Variants in GIT2 observed in about 807,000 individuals in gnomAD.
GIT2 encodes ARF GTPase-activating protein GIT2.
GIT2 carries 32 observed loss-of-function variants against 100.3 expected under a neutral mutation model. The observed-to-expected ratio is 0.32, with a 90% CI of 0.24 to 0.43. The LOEUF is 0.43. GIT2 is among the 20% of genes least tolerant of loss of function. The probability of loss-of-function intolerance (pLI) is 1.00; values close to 1 mark genes in which losing one functional copy is unlikely to be tolerated. For synonymous variants in GIT2, 353 were observed against 364.1 expected (o/e 0.97, Z 0.35); for missense variants, 737 against 975.1 (o/e 0.76, Z 3.25).
intron 7 of GIT2, 44 bp downstream of exon 7, chr12:109,980,908 C>G (rs1325584834): frequency 8.2e-7 from 1 of 1,225,084 alleles, no homozygotes. Context: ...TTTCTAGAAC[C>G]TTCCCAACTG....
At chr12:109,985,307 A>T (rs960382018) in intron 4 of GIT2, among the ~76,000 whole-genome samples, 9 of 152,200 alleles carry the variant, frequency 5.9e-5, no homozygotes, top group African/African-American at 1.2e-4. Context: ...AAAAAACAAA[A>T]AACCCAACAC....
rs1189344671 is a variant in GIT2 at position 109,933,174 on chromosome 12, A to G, written c.2084T>C (p.Met695Thr). 4 of 1,559,274 alleles carry G rather than the reference A, an allele frequency of 2.6e-6. No homozygotes were observed. Among genetic ancestry groups the G allele is most frequent in the Admixed American group, 3.9e-5 (2 of 51,702 alleles). ...CAGTAAACGAAGGGAAGTCCTCACCATATCAGACTTGGGTTTCTAAAAGGA... is the reference window on the plus strand; with the variant it reads ...CAGTAAACGAAGGGAAGTCCTCACCGTATCAGACTTGGGTTTCTAAAAGGA... ...ALFPKKPKSD[M>T]VRTSLRLLTS... The change falls in exon 20 of 20, where the codon ATG becomes ACG. Residue 695 changes from methionine (M) to threonine (T), a missense_variant. Around this residue, in one of 3 missense-constraint regions of GIT2, gnomAD observed 451 missense variants for 543.7 expected, o/e 0.83. Coordinates refer to ENST00000355312, the MANE Select transcript of GIT2 (RefSeq NM_057169.5). This position sits in a 1 kb window ranked among gnomAD's most constrained non-coding sequence, Gnocchi z 4.5.
At chr12:109,953,626 C>G (rs2136298065) in intron 12 of GIT2, 1 of 160,996 alleles carries the variant, frequency 6.2e-6, no homozygotes, top group Middle Eastern at 3.1e-3. Flanking sequence ...GGCCCTGTCT[C>G]TAAGAGCAAA....
At chr12:109,961,928 G>A (rs969997870) in intron 9 of GIT2, among the ~76,000 whole-genome samples, 6 of 152,152 alleles carry the variant, frequency 3.9e-5, no homozygotes, top group African/African-American at 1.4e-4. Flanking sequence ...AAGGAGCTAA[G>A]AGGCATCTAA....
chr12:109,961,016 C>T (rs1326745038), intron 11 of GIT2, among the ~76,000 whole-genome samples: 1 of 152,118 alleles, frequency 6.6e-6, no homozygotes, highest in East Asian at 1.9e-4. Context: ...AAGTTGCTTT[C>T]TTAGATTACT....
In GIT2 at chr12:109,938,552, G is replaced by A. The variant is rs764114845; in HGVS notation, c.1831C>T (p.Arg611Trp). The change falls in exon 18 of 20, where the codon CGG (arginine) becomes TGG (tryptophan). Residue 611 changes from arginine to tryptophan, a missense_variant. Coordinates refer to ENST00000355312, the MANE Select transcript of GIT2 (RefSeq NM_057169.5). ...PDGMGSSRKGRQRSMVWPGDG... is the reference protein window; with the variant it reads ...PDGMGSSRKGWQRSMVWPGDG... ...CCTGGCCACACCATACTTCTTTGCC[G>A]TCCCTTTCGGCTTGACCTGTGAACA... The A allele has an allele frequency of 1.5e-5, 24 of 1,599,532 alleles. No homozygotes were observed. Among genetic ancestry groups the A allele is most frequent in the East Asian group, 4.5e-5 (2 of 44,682 alleles).
intron 1 of GIT2, 66 bp from the exon 2 acceptor site, chr12:109,991,826 A>C (rs1289535430): frequency 5.0e-6 from 7 of 1,412,210 alleles, no homozygotes; most frequent in Non-Finnish European, 9.9e-7. Flanking sequence ...AGATGGCAAA[A>C]GATGACTGAA....
rs775070698 is a variant in GIT2 at position 109,959,855 on chromosome 12, C to T, written c.1091G>A (p.Gly364Asp). Reference sequence around the variant, plus strand: ...GAGGTTTGAGCAGTTACCTTTTGAACCCGAGAGAGAACTGCCCTGCTGTCT... The same window carrying T: ...GAGGTTTGAGCAGTTACCTTTTGAATCCGAGAGAGAACTGCCCTGCTGTCT... ...KRRQQGSSLS[G>D]SKDNVELILK... Residue 364 changes from glycine (G) to aspartate (D), a missense_variant, in exon 12 of 20, where the codon GGT becomes GAT. Gly to Asp is a moderately conservative substitution (Grantham distance 94, BLOSUM62 -1). This residue lies in a region of GIT2 where 451 missense variants were observed against 543.7 expected (regional missense o/e 0.83). Coordinates refer to ENST00000355312, the MANE Select transcript of GIT2 (RefSeq NM_057169.5). The T allele has an allele frequency of 1.8e-5, 29 of 1,602,810 alleles. No individual in the cohort carries two copies. In the South Asian group the frequency reaches 2.5e-4, roughly 14 times the overall value.
rs375381688 is a variant in GIT2 at position 109,961,599 on chromosome 12, C to A, written c.889+14G>T. The A allele has an allele frequency of 2.6e-6, 4 of 1,554,388 alleles. No homozygotes were observed. In the South Asian group the frequency reaches 4.4e-5, roughly 17 times the overall value. Reference sequence around the variant, plus strand: ...GATAACAGAAGCTTATTAGATAAAGCCACGTCAAGTCACCTGCATCCGTCT... The same window carrying A: ...GATAACAGAAGCTTATTAGATAAAGACACGTCAAGTCACCTGCATCCGTCT... On this transcript the variant is annotated intron_variant, in intron 10 of 19. Transcript: ENST00000355312.
intron 12 of GIT2, among the ~76,000 whole-genome samples, chr12:109,957,437 C>A (rs1232016377): frequency 6.6e-6 from 1 of 152,050 alleles, no homozygotes; most frequent in Non-Finnish European, 1.5e-5. Context: ...TACCCAGTCT[C>A]AGGTATTCTT....
At chr12:109,995,630 T>C (rs866834070) in intron 1 of GIT2, among the ~76,000 whole-genome samples, 2 of 152,030 alleles carry the variant, frequency 1.3e-5, no homozygotes, top group Admixed American at 6.6e-5. Flanking sequence ...GCCTCCTAAG[T>C]GCTGGTTGTG....
chr12:109,945,204 G>GCGCCCAGGAGCACGGCCAGGAGCA, intron 16 of GIT2, 56 bp downstream of exon 16: 1 of 848,620 alleles, frequency 1.2e-6, no homozygotes, highest in East Asian at 2.6e-5. Context: ...CAAGCACAAA[G>GCGCCCAGGAGCACGGCCAGGAGCA]CGCCCAGGAG....
intron 16 of GIT2, chr12:109,939,682 AAAATAAATAAATAAAT>A (rs59423792): frequency 0.071 from 10,002 of 140,260 alleles, 573 homozygotes; most frequent in African/African-American, 0.15. Context: ...AAAAATAAAT[AAAATAAATAAATAAAT>A]AAATAAATAA....
chr12:109,955,708 G>A (rs548383239), intron 12 of GIT2, among the ~76,000 whole-genome samples: 1 of 151,966 alleles, frequency 6.6e-6, no homozygotes, highest in East Asian at 1.9e-4. Context: ...TATGCTTGGG[G>A]GCCACTTTTT....
intron 14 of GIT2, among the ~76,000 whole-genome samples, chr12:109,949,783 T>TGC (rs1877333330): frequency 1.3e-5 from 2 of 152,236 alleles, no homozygotes; most frequent in South Asian, 4.1e-4. Context: ...AAAGGTGATG[T>TGC]GCAGCAGATT....
intron 13 of GIT2, chr12:109,952,430 C>A: frequency 2.0e-6 from 1 of 510,284 alleles, no homozygotes; most frequent in Non-Finnish European, 3.9e-6. Context: ...CTCTCTAACC[C>A]ACCAGAAGAG....
At chr12:109,966,658 A>AC (rs1479619179) in intron 8 of GIT2, among the ~76,000 whole-genome samples, 2 of 152,084 alleles carry the variant, frequency 1.3e-5, no homozygotes, top group Admixed American at 6.6e-5. Flanking sequence ...CCAAAGCAAA[A>AC]AAAAACAAAA....
rs760597897 is a variant in GIT2 at position 109,934,568 on chromosome 12, G to A, written c.2004-483C>T. Among the ~76,000 whole-genome samples the A allele has an allele frequency of 6.6e-6, 1 of 152,140 alleles. No homozygotes were observed. The highest frequency in any genetic ancestry group is 1.5e-5 in the Non-Finnish European group (1 of 68,004). On this transcript the variant is annotated intron_variant, in intron 18 of 19. Transcript: ENST00000355312. This position sits in a 1 kb window ranked among gnomAD's most constrained non-coding sequence, Gnocchi z 4.5. ...GCTGATTTTTAAATATTTTTTTGTA[G>A]AGGAGTCCCACTATGTCGCCCAGCC...
intron 8 of GIT2, 77 bp from the exon 9 acceptor site, chr12:109,965,654 G>T: frequency 1.1e-6 from 1 of 939,670 alleles, no homozygotes; most frequent in South Asian, 1.4e-5. Context: ...AGACACCCAA[G>T]AGATAAAAAT....
Sources: allele counts gnomAD v4.1 joint callset (sites outside exome capture counted in the v4.1 genomes callset), GRCh38; gene constraint gnomAD v4.1.1; regional missense constraint gnomAD v4.1.1; non-coding constraint Gnocchi (gnomAD v3.1); transcripts MANE v1.5; gene names NCBI Gene and HGNC (gene_info 2026-07-23, HGNC 2026-07-21).